CAMK4: variants seen among roughly 807,000 people sequenced by gnomAD.
CAMK4 encodes the protein calcium/calmodulin dependent protein kinase IV, also known as calcium/calmodulin-dependent protein kinase type IV.
A neutral mutation model predicts 44.9 loss-of-function variants in CAMK4; 22 were observed. That is an observed-to-expected ratio of 0.49 (90% CI 0.35 to 0.70). The LOEUF is 0.70. Among genes scored for constraint, CAMK4 ranks in the 30% least tolerant of loss-of-function variants. The pLI is 0.01. For missense variants in CAMK4, 498 were observed against 586.8 expected, an observed-to-expected ratio of 0.85 and a Z score of 1.56; for synonymous variants, 218 against 215.4, an observed-to-expected ratio of 1.01 and a Z score of -0.11.
At chr5:111,459,898 A>T (rs928217885) in intron 7 of CAMK4, among the ~76,000 whole-genome samples, 2 of 152,034 alleles carry the variant, frequency 1.3e-5, no homozygotes, top group Non-Finnish European at 2.9e-5. Context: ...CTGGGTCTCC[A>T]GACCATAAAT....
At chr5:111,376,358 T>G (rs1183195777) in intron 3 of CAMK4, among the ~76,000 whole-genome samples, 8 of 152,056 alleles carry the variant, frequency 5.3e-5, no homozygotes, top group Non-Finnish European at 1.0e-4. Context: ...GAGGATTCCT[T>G]CACCCACTGA....
upstream of CAMK4, chr5:111,223,614 T>C (rs1219097078): frequency 6.6e-6 from 1 of 152,304 alleles, no homozygotes; most frequent in Non-Finnish European, 1.5e-5. This position sits in a 1 kb window ranked among gnomAD's most constrained non-coding sequence, Gnocchi z 4.3. Flanking sequence ...CACAGCCAAG[T>C]ATCTCCTCTT....
At chr5:111,226,042 G>A (rs1266434944) in intron 1 of CAMK4, among the ~76,000 whole-genome samples, 1 of 152,176 alleles carries the variant, frequency 6.6e-6, no homozygotes, top group Non-Finnish European at 1.5e-5. Flanking sequence ...GTAAACCTCT[G>A]AGTAAAGGGA....
chr5:111,253,098 C>T (rs1561364054), intron 1 of CAMK4, among the ~76,000 whole-genome samples: 1 of 152,224 alleles, frequency 6.6e-6, no homozygotes, highest in Non-Finnish European at 1.5e-5. Flanking sequence ...GATTAAATAA[C>T]TGGAGCAACA....
intron 1 of CAMK4, among the ~76,000 whole-genome samples, chr5:111,281,824 C>T (rs1405763187): frequency 1.3e-5 from 2 of 151,666 alleles, no homozygotes; most frequent in African/African-American, 2.4e-5. Context: ...TTTGGGAGGC[C>T]GAGGCGGGCG....
chr5:111,276,872 A>G (rs1034994032), intron 1 of CAMK4, among the ~76,000 whole-genome samples: 5 of 152,202 alleles, frequency 3.3e-5, no homozygotes, highest in African/African-American at 1.2e-4. Context: ...GATCTTGACC[A>G]TCTTTCCATT....
chr5:111,459,552 T>A (rs1398103318), intron 7 of CAMK4, among the ~76,000 whole-genome samples: 2 of 152,216 alleles, frequency 1.3e-5, no homozygotes, highest in Non-Finnish European at 2.9e-5. Context: ...GTTGAGGATT[T>A]TGGCAACCAC....
intron 1 of CAMK4, among the ~76,000 whole-genome samples, chr5:111,270,608 A>G (rs1750468545): frequency 6.6e-6 from 1 of 152,104 alleles, no homozygotes; most frequent in Admixed American, 6.5e-5. Flanking sequence ...CTTACCTATC[A>G]GCTTACCCCT....
At chr5:111,371,808 A>G (rs1751015730) in intron 2 of CAMK4, among the ~76,000 whole-genome samples, 1 of 152,176 alleles carries the variant, frequency 6.6e-6, no homozygotes, top group African/African-American at 2.4e-5. Flanking sequence ...TTCTATTCCA[A>G]CCATTCATAT....
At chr5:111,310,138 G>T (rs973671384) in intron 1 of CAMK4, among the ~76,000 whole-genome samples, 2 of 151,656 alleles carry the variant, frequency 1.3e-5, no homozygotes, top group African/African-American at 4.9e-5. Flanking sequence ...GGGTAGAGTT[G>T]ACTTAACTGT....
intron 4 of CAMK4, among the ~76,000 whole-genome samples, chr5:111,384,862 C>T (rs944680278): frequency 6.6e-6 from 1 of 152,106 alleles, no homozygotes; most frequent in Non-Finnish European, 1.5e-5. Flanking sequence ...TCACTACTTT[C>T]ACTTAAAGTC....
intron 1 of CAMK4, among the ~76,000 whole-genome samples, chr5:111,309,900 A>T (rs973225618): frequency 1.3e-5 from 2 of 152,180 alleles, no homozygotes; most frequent in African/African-American, 2.4e-5. Context: ...GACATAGGCT[A>T]GGCTGATACC....
intron 1 of CAMK4, among the ~76,000 whole-genome samples, chr5:111,319,075 A>G (rs889913702): frequency 2.0e-5 from 3 of 152,254 alleles, no homozygotes; most frequent in Non-Finnish European, 4.4e-5. Context: ...CAGGTCTACT[A>G]TATGAAAGAC....
intron 1 of CAMK4, among the ~76,000 whole-genome samples, chr5:111,253,171 G>A (rs1444804177): frequency 6.6e-6 from 1 of 152,238 alleles, no homozygotes; most frequent in Non-Finnish European, 1.5e-5. Flanking sequence ...TTGATGTGGA[G>A]GTGGGTTAAT....
intron 1 of CAMK4, among the ~76,000 whole-genome samples, chr5:111,263,945 A>G (rs1750111994): frequency 6.6e-6 from 1 of 152,006 alleles, no homozygotes; most frequent in African/African-American, 2.4e-5. Flanking sequence ...AAAAAAAGCC[A>G]CCTCACCTCT....
At chr5:111,249,429 T>C (rs936695730) in intron 1 of CAMK4, among the ~76,000 whole-genome samples, 1 of 151,052 alleles carries the variant, frequency 6.6e-6, no homozygotes, top group East Asian at 1.9e-4. Flanking sequence ...TATAATATAG[T>C]ATTTGAATAT....
At chr5:111,326,380 A>C (rs444580) in intron 1 of CAMK4, among the ~76,000 whole-genome samples, 139,256 of 151,892 alleles carry the variant, frequency 0.92, 63,949 homozygotes, top group East Asian at 1. Context: ...AATAATTCAA[A>C]CTTCCAAAAG....
chr5:111,266,192 T>TCACA (rs58948390), intron 1 of CAMK4: 29 of 144,178 alleles, frequency 2.0e-4, no homozygotes, highest in African/African-American at 6.6e-4. Flanking sequence ...ATAAATATAT[T>TCACA]CACACACACA....
chr5:111,291,615 C>T (rs895152365), intron 1 of CAMK4, among the ~76,000 whole-genome samples: 4 of 152,128 alleles, frequency 2.6e-5, no homozygotes, highest in Non-Finnish European at 5.9e-5. Context: ...ACCTCCTGGG[C>T]CAAAGTGATC....
Sources: allele counts gnomAD v4.1 joint callset (sites outside exome capture counted in the v4.1 genomes callset), GRCh38; gene constraint gnomAD v4.1.1; non-coding constraint Gnocchi (gnomAD v3.1); transcripts MANE v1.5; gene names NCBI Gene and HGNC (gene_info 2026-07-23, HGNC 2026-07-21).